The following CELF1 variants were observed in gnomAD, a reference collection of about 807,000 sequenced individuals.
CELF1 encodes the protein CUGBP Elav-like family member 1.
In CELF1, 10 loss-of-function variants were observed where a neutral mutation model predicts 61.8. That is an observed-to-expected ratio of 0.16 (90% CI 0.10 to 0.27). The LOEUF (loss-of-function observed/expected upper bound fraction) is 0.27, where lower values mean the gene tolerates loss of function less well. CELF1 is among the 10% of genes least tolerant of loss of function. The pLI is 1.00. For missense variants in CELF1, 380 were observed against 639.1 expected, an observed-to-expected ratio of 0.59 and a Z score of 4.37; for synonymous variants, 236 against 225.1, an observed-to-expected ratio of 1.05 and a Z score of -0.43.
rs553557214 is a variant in CELF1, at chr11:47,482,621, T to C, written c.768+74A>G. 4.5e-5 allele frequency: 65 copies of C among 1,439,118 alleles called. 1 individual carries two copies. In the Admixed American group the frequency reaches 5.4e-4, roughly 12 times the overall value. The allele number at this position is 1,439,118 out of a possible 1,614,324, so 89.1% of individuals were successfully genotyped here. A position where few individuals can be genotyped will look rare whatever the true frequency, so the allele number is the denominator to read the frequency against. On this transcript the variant is annotated intron_variant, in intron 9 of 14. Transcript: ENST00000687097. ...AAAGTTGTAAATGCCACTGTGTTTG[T>C]TGGCTAGGGACAGCAGAAGAAGGAA...
intron 1 of CELF1, chr11:47,506,940 C>T (rs1452108468): frequency 3.3e-5 from 5 of 152,216 alleles, no homozygotes; most frequent in Non-Finnish European, 7.3e-5. Context: ...CATGCCTAGA[C>T]GTCTCTCATG....
At chr11:47,535,456 A>C (rs1019454182) in intron 1 of CELF1, among the ~76,000 whole-genome samples, 2 of 152,070 alleles carry the variant, frequency 1.3e-5, no homozygotes, top group Non-Finnish European at 2.9e-5. Context: ...AGGCAGGCGG[A>C]TCAGTTGAGT....
At chr11:47,478,467 T>C (rs2081257496) in intron 10 of CELF1, among the ~76,000 whole-genome samples, 1 of 152,178 alleles carries the variant, frequency 6.6e-6, no homozygotes, top group South Asian at 2.1e-4. Context: ...AATGCCTGGG[T>C]TCTAGAAGCT....
intron 3 of CELF1, among the ~76,000 whole-genome samples, chr11:47,496,593 G>A (rs2093140744): frequency 6.6e-6 from 1 of 152,218 alleles, no homozygotes; most frequent in African/African-American, 2.4e-5. Flanking sequence ...GGAGGAGGGG[G>A]AGGTGTGTGT....
intron 9 of CELF1, among the ~76,000 whole-genome samples, chr11:47,481,086 T>G (rs2082816525): frequency 9.1e-6 from 1 of 109,604 alleles, no homozygotes; most frequent in Non-Finnish European, 2.1e-5. Context: ...CTGGGGTTTT[T>G]TTTTTTTTTC....
chr11:47,499,120 G>C, intron 3 of CELF1, among the ~76,000 whole-genome samples: 1 of 152,002 alleles, frequency 6.6e-6, no homozygotes, highest in East Asian at 1.9e-4. Flanking sequence ...CCAACCCAAA[G>C]CGACAATGCT....
chr11:47,486,109 T>C (rs12786068), intron 6 of CELF1, among the ~76,000 whole-genome samples: 21,828 of 21,832 alleles, frequency 1, 10,912 homozygotes, highest in Middle Eastern at 1. Flanking sequence ...TGCAATGAGC[T>C]AAGATCATGC....
At chr11:47,550,271 C>A (rs1184567024) in intron 1 of CELF1, among the ~76,000 whole-genome samples, 1 of 152,056 alleles carries the variant, frequency 6.6e-6, no homozygotes, top group East Asian at 1.9e-4. Flanking sequence ...TGGCTTACAC[C>A]TATAATCCTA....
chr11:47,545,099 C>A (rs899523129), intron 1 of CELF1, among the ~76,000 whole-genome samples: 1 of 152,140 alleles, frequency 6.6e-6, no homozygotes, highest in Admixed American at 6.6e-5. Context: ...CCTGGCCAAG[C>A]CTGGCCAACA....
chr11:47,483,686 T>C (rs963286785), intron 7 of CELF1, among the ~76,000 whole-genome samples, 154 bp from the exon 8 acceptor site: 22 of 151,886 alleles, frequency 1.4e-4, no homozygotes, highest in African/African-American at 4.8e-4. Flanking sequence ...CAGGGTGATA[T>C]GTGCTATAAT....
At chr11:47,521,813 C>T (rs747714830) in intron 1 of CELF1, among the ~76,000 whole-genome samples, 8 of 152,262 alleles carry the variant, frequency 5.3e-5, no homozygotes, top group Middle Eastern at 3.4e-3. Flanking sequence ...TACTGTACAA[C>T]GCTCAATGGT....
intron 1 of CELF1, chr11:47,523,594 C>G (rs1033569961): frequency 3.9e-5 from 6 of 152,302 alleles, no homozygotes; most frequent in Non-Finnish European, 8.8e-5. Flanking sequence ...AACTCTGCAT[C>G]CATACCACAC....
chr11:47,533,809 C>CA (rs58856403), intron 1 of CELF1, among the ~76,000 whole-genome samples: 6 of 85,324 alleles, frequency 7.0e-5, no homozygotes, highest in Non-Finnish European at 1.1e-4. Flanking sequence ...GACTCTCCCC[C>CA]AAAAAAAAAA....
chr11:47,545,397 C>A (rs1032241112), intron 1 of CELF1, among the ~76,000 whole-genome samples: 1 of 152,100 alleles, frequency 6.6e-6, no homozygotes, highest in Admixed American at 6.6e-5. Context: ...AACCACTGTA[C>A]GCTAGCCTGG....
chr11:47,541,710 G>A (rs1294494480), intron 1 of CELF1, among the ~76,000 whole-genome samples: 164 of 4,888 alleles, frequency 0.034, 17 homozygotes, highest in African/African-American at 0.055. Context: ...AAGAAAGAAA[G>A]AAAGAAAGAA....
chr11:47,491,438 C>T (rs113888715), intron 3 of CELF1, among the ~76,000 whole-genome samples: 4 of 152,074 alleles, frequency 2.6e-5, no homozygotes, highest in African/African-American at 9.6e-5. Flanking sequence ...GGATTACAGG[C>T]CTGAGCCACC....
chr11:47,509,071 CA>C (rs1425143301), intron 1 of CELF1, among the ~76,000 whole-genome samples: 6 of 152,076 alleles, frequency 3.9e-5, no homozygotes, highest in African/African-American at 1.4e-4. Context: ...TGCCCGGCCT[CA>C]AAAAAGTTAT....
Position 47,527,360 on chromosome 11 carries a change from C to T in CELF1, c.-154+25632G>A, listed in dbSNP as rs959111173. ...TAGCCGTGATCGTGCCACCGCACTC[C>T]GGCCTGGGTGACAAAGTGAGACACT... On this transcript the variant is annotated intron_variant, in intron 1 of 14. Transcript: ENST00000687097. 1.6e-4 allele frequency among the ~76,000 whole-genome samples: 24 copies of T among 152,076 alleles called. 1 individual carries two copies. The highest frequency in any genetic ancestry group is 5.8e-4 in the East Asian group (3 of 5,186).
intron 1 of CELF1, among the ~76,000 whole-genome samples, chr11:47,540,049 A>T (rs899226050): frequency 6.6e-6 from 1 of 152,210 alleles, no homozygotes; most frequent in African/African-American, 2.4e-5. Flanking sequence ...TGGTGCAATA[A>T]GATATTACAA....
Sources: allele counts gnomAD v4.1 joint callset (sites outside exome capture counted in the v4.1 genomes callset), GRCh38; gene constraint gnomAD v4.1.1; transcripts MANE v1.5; gene names NCBI Gene and HGNC (gene_info 2026-07-23, HGNC 2026-07-21).